The following CNBD1 variants were observed in gnomAD, a reference collection of about 807,000 sequenced individuals.
The protein encoded by CNBD1 is cyclic nucleotide binding domain containing 1.
In CNBD1, 71 loss-of-function variants were observed where a neutral mutation model predicts 54.4. The observed-to-expected ratio is 1.30, with a 90% confidence interval of 1.08 to 1.59. The LOEUF (loss-of-function observed/expected upper bound fraction) is 1.59. Ranked by LOEUF, CNBD1 falls within the 40% of genes most tolerant of loss-of-function variation. The pLI is 0.00. For synonymous variants in CNBD1, 182 were observed against 170.7 expected (o/e 1.07, Z -0.51); for missense variants, 659 against 518.0 (o/e 1.27, Z -2.64).
chr8:87,022,524 A>T (rs1809510937), intron 4 of CNBD1, among the ~76,000 whole-genome samples: 1 of 129,722 alleles, frequency 7.7e-6, no homozygotes, highest in Non-Finnish European at 1.7e-5. Flanking sequence ...GTAGCCTACC[A>T]TAAAGAAATG....
chr8:87,106,496 C>G (rs1811540390), intron 4 of CNBD1, among the ~76,000 whole-genome samples: 1 of 152,210 alleles, frequency 6.6e-6, no homozygotes, highest in African/African-American at 2.4e-5. Context: ...CAGGCATGAG[C>G]CACTGCACTC....
chr8:87,197,306 G>A (rs1813743511), intron 4 of CNBD1, among the ~76,000 whole-genome samples: 1 of 152,178 alleles, frequency 6.6e-6, no homozygotes, highest in Non-Finnish European at 1.5e-5. Flanking sequence ...GAAGACTAGA[G>A]GTTAAGAGAG....
chr8:87,186,352 T>G (rs187379917), intron 4 of CNBD1, among the ~76,000 whole-genome samples: 191 of 152,248 alleles, frequency 1.3e-3, no homozygotes, highest in Non-Finnish European at 2.3e-3. Context: ...ACTGGCAGTC[T>G]TCAAAGATTT....
intron 8 of CNBD1, among the ~76,000 whole-genome samples, chr8:87,339,082 C>T (rs1018619901): frequency 1.3e-5 from 2 of 151,956 alleles, no homozygotes; most frequent in African/African-American, 4.8e-5. Flanking sequence ...ATTTTTCTTC[C>T]TTCAGGTCAA....
intron 5 of CNBD1, among the ~76,000 whole-genome samples, chr8:87,207,139 T>G (rs1018514644): frequency 1.3e-5 from 2 of 152,124 alleles, no homozygotes; most frequent in African/African-American, 4.8e-5. Flanking sequence ...AAAATAATTT[T>G]GAAAGGGAAT....
intron 6 of CNBD1, among the ~76,000 whole-genome samples, chr8:87,262,532 CA>C (rs952190001): frequency 7.2e-5 from 11 of 152,110 alleles, no homozygotes; most frequent in Non-Finnish European, 2.9e-5. Context: ...CTGAATAAAA[CA>C]AAAAGGCAGA....
intron 4 of CNBD1, among the ~76,000 whole-genome samples, chr8:87,179,333 T>A (rs909959914): frequency 6.6e-6 from 1 of 152,224 alleles, no homozygotes; most frequent in African/African-American, 2.4e-5. Context: ...ACTGCAGTTT[T>A]AAAACATTAG....
At chr8:87,188,772 A>G (rs1184146557) in intron 4 of CNBD1, among the ~76,000 whole-genome samples, 1 of 151,400 alleles carries the variant, frequency 6.6e-6, no homozygotes, top group Non-Finnish European at 1.5e-5. Context: ...AATAAAAATA[A>G]AAAATAAGTA....
intron 3 of CNBD1, among the ~76,000 whole-genome samples, chr8:86,911,735 C>A (rs1262144940): frequency 6.6e-6 from 1 of 151,988 alleles, no homozygotes; most frequent in Non-Finnish European, 1.5e-5. Context: ...CCATCAAAAA[C>A]TGTTAGAAAT....
chr8:87,285,457 G>A (rs1368726744), intron 7 of CNBD1, among the ~76,000 whole-genome samples: 1 of 152,166 alleles, frequency 6.6e-6, no homozygotes, highest in Non-Finnish European at 1.5e-5. Flanking sequence ...TGAGATTGAG[G>A]CTAGGGGCGG....
intron 2 of CNBD1, among the ~76,000 whole-genome samples, chr8:87,390,399 C>A (rs1811283404): frequency 6.6e-6 from 1 of 151,216 alleles, no homozygotes; most frequent in Non-Finnish European, 1.5e-5. Context: ...AACAAATTTA[C>A]AAGAAAAAAC....
In CNBD1 at chr8:86,926,352, G is replaced by A. The variant is rs796391900; in HGVS notation, c.273-13244G>A. 5.9e-5 allele frequency among the ~76,000 whole-genome samples: 9 copies of A among 152,214 alleles called. No homozygotes were observed. In the South Asian group the frequency reaches 8.3e-4, roughly 14 times the overall value. On this transcript the variant is annotated intron_variant, in intron 3 of 10. Coordinates refer to ENST00000518476, the MANE Select transcript of CNBD1 (RefSeq NM_173538.3). ...AGACCAGTCAAAGGGCCAGTGGGTC[G>A]GTCCAGGTGTCCTCAGTAGAAGTTT...
chr8:87,344,923 G>T (rs183296727), intron 8 of CNBD1, among the ~76,000 whole-genome samples: 1 of 152,084 alleles, frequency 6.6e-6, no homozygotes, highest in Non-Finnish European at 1.5e-5. Flanking sequence ...CAGTTACCCT[G>T]GTTAACTAGA....
At chr8:86,945,265 C>T (rs922779940) in intron 4 of CNBD1, among the ~76,000 whole-genome samples, 7 of 152,032 alleles carry the variant, frequency 4.6e-5, no homozygotes, top group Non-Finnish European at 8.8e-5. Context: ...AAACTTGGCC[C>T]GATTGTTTTT....
chr8:87,353,654 G>T lies in CNBD1; in HGVS notation c.1171G>T (p.Val391Phe), dbSNP rs755992466. Residue 391 changes from valine (V) to phenylalanine (F), a missense_variant, in exon 10 of 11, where the codon GTT (valine) becomes TTT (phenylalanine). Physicochemically the swap from Val to Phe is conservative, Grantham distance 50 (BLOSUM62 -1). Coordinates refer to ENST00000518476, the MANE Select transcript of CNBD1 (RefSeq NM_173538.3). ...TTAACAGAAAAGATCTCAAAAACTT[G>T]TTTATATGGGGAAACTTAAGGAGAA... ...SNKVKRSQKLVYMGKLKEKES... is the reference protein window; with the variant it reads ...SNKVKRSQKLFYMGKLKEKES... 6.3e-7 allele frequency: 1 copy of T among 1,588,722 alleles called. No individual in the cohort carries two copies. The highest frequency in any genetic ancestry group is 1.4e-5 in the African/African-American group (1 of 73,776).
intron 4 of CNBD1, among the ~76,000 whole-genome samples, chr8:87,000,763 T>C (rs953769728): frequency 5.3e-5 from 8 of 152,202 alleles, no homozygotes; most frequent in African/African-American, 1.2e-4. Context: ...CATCATCTTA[T>C]GGCATTTATT....
intron 10 of CNBD1, among the ~76,000 whole-genome samples, chr8:87,369,533 T>A (rs990060962): frequency 4.6e-5 from 7 of 151,992 alleles, no homozygotes; most frequent in Non-Finnish European, 2.9e-5. Flanking sequence ...TCTGGAAATG[T>A]CTTTATTTCT....
chr8:87,069,979 T>C (rs1810727964), intron 4 of CNBD1, among the ~76,000 whole-genome samples: 1 of 152,038 alleles, frequency 6.6e-6, no homozygotes, highest in Non-Finnish European at 1.5e-5. Context: ...TTCAGTTTTA[T>C]TTTGGTTGAA....
chr8:86,975,412 C>T (rs1808318730), intron 4 of CNBD1, among the ~76,000 whole-genome samples: 1 of 152,036 alleles, frequency 6.6e-6, no homozygotes, highest in African/African-American at 2.4e-5. Flanking sequence ...CTTCCAGTGA[C>T]CACCATTCTA....
Sources: allele counts gnomAD v4.1 joint callset (sites outside exome capture counted in the v4.1 genomes callset), GRCh38; gene constraint gnomAD v4.1.1; transcripts MANE v1.5; gene names NCBI Gene and HGNC (gene_info 2026-07-23, HGNC 2026-07-21).